The following TEKT5 variants were observed in gnomAD, a reference collection of about 807,000 sequenced individuals.
TEKT5 encodes tektin-5.
In TEKT5, 52 loss-of-function variants were observed where a neutral mutation model predicts 48.7. The ratio of observed to expected loss-of-function variants is 1.07; its 90% CI spans 0.86 to 1.35. The LOEUF is 1.35. Among genes scored for constraint, TEKT5 ranks in the 40% most tolerant of loss-of-function variants. The pLI, the probability that TEKT5 is intolerant of heterozygous loss-of-function variation, is 0.00. For synonymous variants in TEKT5, 318 were observed against 267.6 expected (o/e 1.19, Z -1.84); for missense variants, 831 against 641.6 (o/e 1.30, Z -3.19).
At position 10,627,662 on chromosome 16, in the gene TEKT5, G is replaced by T. The variant is rs1229854058; in HGVS notation, c.1379C>A (p.Thr460Asn). Residue 460 changes from threonine to asparagine, a missense_variant, in exon 7 of 7, where the codon ACC becomes AAC. Thr to Asn is a moderately conservative substitution (Grantham distance 65). Coordinates refer to ENST00000283025, the MANE Select transcript of TEKT5 (RefSeq NM_144674.2). ...LEHELAIKANTLCIDKEKCMG... is the reference protein window; with the variant it reads ...LEHELAIKANNLCIDKEKCMG... ...GCACTTCTCCTTGTCGATGCAGAGG[G>T]TGTTGGCCTTGATGGCGAGCTCGTG... is the stretch of plus-strand genomic sequence containing the variant. 1.9e-6 allele frequency: 3 copies of T among 1,614,202 alleles called. No homozygotes were observed. Among genetic ancestry groups the T allele is most frequent in the African/African-American group, 1.3e-5 (1 of 75,052 alleles).
chr16:10,670,741 C>G (rs1183658589), intron 5 of TEKT5, among the ~76,000 whole-genome samples: 1 of 152,104 alleles, frequency 6.6e-6, no homozygotes, highest in Admixed American at 6.6e-5. Context: ...ATTTGCAGAA[C>G]AGCTGGTGAT....
At chr16:10,644,330 A>G (rs907855630) in intron 5 of TEKT5, among the ~76,000 whole-genome samples, 1 of 152,198 alleles carries the variant, frequency 6.6e-6, no homozygotes, top group African/African-American at 2.4e-5. Context: ...GTGCATCATC[A>G]GAGGTGGACA....
intron 4 of TEKT5, among the ~76,000 whole-genome samples, chr16:10,681,389 C>G (rs942772493): frequency 2.0e-5 from 3 of 151,072 alleles, no homozygotes; most frequent in Non-Finnish European, 3.0e-5. Flanking sequence ...CTCTCTCTCT[C>G]TCTCTCTCTC....
intron 5 of TEKT5, among the ~76,000 whole-genome samples, chr16:10,670,776 C>G (rs1233488794): frequency 6.6e-6 from 1 of 152,100 alleles, no homozygotes; most frequent in Non-Finnish European, 1.5e-5. Context: ...TAATAAAAAT[C>G]CATGAGGTTG....
chr16:10,652,042 C>A (rs534800804), intron 5 of TEKT5, among the ~76,000 whole-genome samples: 1 of 152,254 alleles, frequency 6.6e-6, no homozygotes, highest in Non-Finnish European at 1.5e-5. Context: ...AGCTGGGGGG[C>A]CTTGGGCCAA....
chr16:10,685,290 C>T (rs1261303637), intron 3 of TEKT5, among the ~76,000 whole-genome samples: 8 of 152,114 alleles, frequency 5.3e-5, no homozygotes, highest in Non-Finnish European at 1.2e-4. Context: ...AAGCATCTCC[C>T]TCTCTCTTTC....
chr16:10,668,583 G>C (rs1212478920), intron 5 of TEKT5, among the ~76,000 whole-genome samples: 1 of 152,178 alleles, frequency 6.6e-6, no homozygotes, highest in East Asian at 1.9e-4. Context: ...CAGGGCCTCA[G>C]ATCACCAGCA....
intron 1 of TEKT5, among the ~76,000 whole-genome samples, chr16:10,692,015 A>G (rs556110844): frequency 6.6e-6 from 1 of 151,462 alleles, no homozygotes; most frequent in African/African-American, 2.4e-5. Flanking sequence ...TGCTGTAAGG[A>G]CAATGGATTG....
intron 5 of TEKT5, among the ~76,000 whole-genome samples, chr16:10,658,564 G>A (rs1303181974): frequency 1.3e-5 from 2 of 152,096 alleles, no homozygotes; most frequent in Non-Finnish European, 2.9e-5. Context: ...GGTGATAGAA[G>A]TAAGAATGAT....
intron 1 of TEKT5, among the ~76,000 whole-genome samples, chr16:10,692,455 T>C (rs1434003887): frequency 6.6e-6 from 1 of 151,964 alleles, no homozygotes; most frequent in African/African-American, 2.4e-5. Context: ...AGGTCCTGAG[T>C]TCCCCACACA....
chr16:10,642,883 G>GTTACAGCGAGGTGGGAGGAATAAGT (rs1898015029), intron 5 of TEKT5, among the ~76,000 whole-genome samples: 1 of 152,138 alleles, frequency 6.6e-6, no homozygotes, highest in Non-Finnish European at 1.5e-5. Context: ...AGGATACAAA[G>GTTACAGCGAGGTGGGAGGAATAAGT]TTACAGCGAG....
intron 5 of TEKT5, among the ~76,000 whole-genome samples, chr16:10,673,646 ATTTTTTTT>A (rs60322821): frequency 9.5e-6 from 1 of 105,772 alleles, no homozygotes; most frequent in Non-Finnish European, 1.9e-5. Context: ...CACCCATTCT[ATTTTTTTT>A]TTTTTTTTTT....
intron 5 of TEKT5, among the ~76,000 whole-genome samples, chr16:10,666,148 T>G (rs1336620232): frequency 1.3e-5 from 2 of 152,174 alleles, no homozygotes; most frequent in Non-Finnish European, 2.9e-5. Flanking sequence ...AGAACCACCC[T>G]GTTTACCAAG....
At chr16:10,653,179 AG>A (rs1898198682) in intron 5 of TEKT5, among the ~76,000 whole-genome samples, 1 of 152,196 alleles carries the variant, frequency 6.6e-6, no homozygotes, top group Admixed American at 6.5e-5. Flanking sequence ...GGATTGGCTC[AG>A]GGGGTCACCC....
At chr16:10,665,533 C>A (rs144042103) in intron 5 of TEKT5, among the ~76,000 whole-genome samples, 1 of 152,200 alleles carries the variant, frequency 6.6e-6, no homozygotes, top group Non-Finnish European at 1.5e-5. Context: ...CTGCATCTGT[C>A]GCCTACCTCC....
At chr16:10,629,346 G>A (rs930873113) in intron 6 of TEKT5, among the ~76,000 whole-genome samples, 2 of 152,010 alleles carry the variant, frequency 1.3e-5, no homozygotes, top group Non-Finnish European at 2.9e-5. Flanking sequence ...TGCCTCCCGG[G>A]TTCAAGCAAT....
intron 3 of TEKT5, among the ~76,000 whole-genome samples, chr16:10,682,405 G>A (rs1274378428): frequency 6.6e-6 from 1 of 151,970 alleles, no homozygotes; most frequent in Admixed American, 6.6e-5. Context: ...ATGGCTCACT[G>A]CAGCCTTGAC....
rs147348685 is a variant in TEKT5, at chr16:10,689,838, G to A, written c.648+104C>T. The stretch of plus-strand genomic sequence containing the variant: ...CCTGAGCCCTCACTTTCCACACAGT[G>A]ACACGTGTGGCTTCTGCTCCTGACA... On this transcript the variant is annotated intron_variant, in intron 2 of 6. Coordinates refer to ENST00000283025, the MANE Select transcript of TEKT5 (RefSeq NM_144674.2). The A allele has an allele frequency of 1.8e-4, 201 of 1,100,438 alleles. No individual in the cohort carries two copies. The African/African-American group carries it at 2.8e-3, about 16-fold the overall frequency. The allele number at this position is 1,100,438 out of a possible 1,614,324, so 68.2% of individuals were successfully genotyped here. A position where few individuals can be genotyped will look rare whatever the true frequency, so the allele number is the denominator to read the frequency against.
intron 3 of TEKT5, among the ~76,000 whole-genome samples, chr16:10,686,842 C>A (rs1163726219): frequency 6.6e-6 from 1 of 152,084 alleles, no homozygotes; most frequent in Non-Finnish European, 1.5e-5. Context: ...CTAAGTATCT[C>A]ATAACAGATG....
Sources: allele counts gnomAD v4.1 joint callset (sites outside exome capture counted in the v4.1 genomes callset), GRCh38; gene constraint gnomAD v4.1.1; transcripts MANE v1.5; gene names NCBI Gene and HGNC (gene_info 2026-07-23, HGNC 2026-07-21).